TLCD3B: variants seen among roughly 807,000 people sequenced by gnomAD.
TLCD3B encodes the protein ceramide synthase.
A neutral mutation model predicts 23.0 loss-of-function variants in TLCD3B; 9 were observed. That is an observed-to-expected ratio of 0.39 (90% CI 0.24 to 0.68). TLCD3B has a LOEUF of 0.68. Ranked by LOEUF, TLCD3B falls within the 30% of genes least tolerant of loss-of-function variation. The pLI is 0.44. For missense variants in TLCD3B, 307 were observed against 371.8 expected, an observed-to-expected ratio of 0.83 and a Z score of 1.43; for synonymous variants, 161 against 161.0, an observed-to-expected ratio of 1.00 and a Z score of 0.00.
chr16:30,030,285 AC>A, intron 1 of TLCD3B, 117 bp downstream of exon 1: 1 of 1,201,954 alleles, frequency 8.3e-7, no homozygotes, highest in Non-Finnish European at 1.2e-6. Context: ...AAAGCCCCGG[AC>A]CCCCACAGGA....
intron 2 of TLCD3B, among the ~76,000 whole-genome samples, chr16:30,045,663 GGT>G (rs1204714754): frequency 6.9e-6 from 1 of 145,628 alleles, no homozygotes; most frequent in African/African-American, 2.6e-5. Context: ...GTGTGTGTAT[GGT>G]GTGTGTGTTG....
chr16:30,025,309 G>T lies in TLCD3B; in HGVS notation c.699C>A (p.His233Gln). 6.4e-7 allele frequency: 1 copy of T among 1,563,644 alleles called. No individual in the cohort carries two copies. Among genetic ancestry groups the T allele is most frequent in the South Asian group, 1.2e-5 (1 of 86,310 alleles). Residue 233 changes from histidine to glutamine, a missense_variant, in exon 5 of 5, where the codon CAC (histidine) becomes CAA (glutamine). His to Gln is a conservative substitution (Grantham distance 24). Transcript: ENST00000380495. This position sits in a 1 kb window ranked among gnomAD's most constrained non-coding sequence, Gnocchi z 4.1. ...LLAVPLAIPA[H>Q]VNLGAALLLA... ...GGAGCAGCGCAGCGCCCAGGTTGAC[G>T]TGGGCAGGGATGGCCAGGGGCACGG...
intron 3 of TLCD3B, 77 bp downstream of exon 3, chr16:30,026,531 TC>T: frequency 7.5e-7 from 1 of 1,324,842 alleles, no homozygotes; most frequent in Non-Finnish European, 1.1e-6. Context: ...ACCCGGGGCT[TC>T]CCAGGCTCCT....
At chr16:30,041,724 A>C (rs1207970333) in intron 2 of TLCD3B, among the ~76,000 whole-genome samples, 1 of 150,536 alleles carries the variant, frequency 6.6e-6, no homozygotes, top group Non-Finnish European at 1.5e-5. Context: ...TCTGTCTCAA[A>C]AAAAAAAAAA....
chr16:30,047,565 G>A (rs564994171), intron 1 of TLCD3B, among the ~76,000 whole-genome samples: 1 of 151,718 alleles, frequency 6.6e-6, no homozygotes, highest in Non-Finnish European at 1.5e-5. Flanking sequence ...CAAGTGATCC[G>A]CCTGCCTCGG....
At chr16:30,030,072 C>T in intron 1 of TLCD3B, 2 of 1,363,420 alleles carry the variant, frequency 1.5e-6, no homozygotes, top group Non-Finnish European at 1.9e-6. Context: ...TGAATGACAC[C>T]TAGCTGTCTG....
At chr16:30,039,104 T>TC (rs1567307340) in intron 3 of TLCD3B, among the ~76,000 whole-genome samples, 5 of 75,382 alleles carry the variant, frequency 6.6e-5, no homozygotes, top group Middle Eastern at 5.7e-3. Flanking sequence ...CCTTCCTCTC[T>TC]TTTTTTTTTT....
chr16:30,025,654 A>C lies in TLCD3B; in HGVS notation c.540+72T>G, dbSNP rs759731882. The C allele has an allele frequency of 3.3e-6, 5 of 1,536,660 alleles. No individual in the cohort carries two copies. The highest frequency in any genetic ancestry group is 1.4e-5 in the African/African-American group (1 of 73,372). ...TGACGAAGGGGCTAGAGCCCTTGGC[A>C]GCAACCTTGAAGGTCCCTCCCCTTC... On this transcript the variant is annotated intron_variant, in intron 4 of 4. Coordinates refer to ENST00000380495, the MANE Select transcript of TLCD3B (RefSeq NM_031478.6). This position sits in a 1 kb window ranked among gnomAD's most constrained non-coding sequence, Gnocchi z 4.1.
chr16:30,030,609 G>A lies in TLCD3B; in HGVS notation c.-82C>T. 1.4e-6 allele frequency: 2 copies of A among 1,442,638 alleles called. No individual in the cohort carries two copies. The highest frequency in any genetic ancestry group is 1.8e-6 in the Non-Finnish European group (2 of 1,099,952). 89.4% of individuals were successfully genotyped at this position (1,442,638 alleles called of 1,614,324 possible). A position where few individuals can be genotyped will look rare whatever the true frequency, so the allele number is the denominator to read the frequency against. On this transcript the variant is annotated 5_prime_UTR_variant, in exon 1 of 5. Transcript: ENST00000380495. ...AGTGGAAGGAGTTAGGGGTGGAGAA[G>A]GGACGCCAAGCCCGGGAAGGAGGGA...
chr16:30,048,452 G>A (rs1288221136), intron 1 of TLCD3B, among the ~76,000 whole-genome samples: 1 of 151,956 alleles, frequency 6.6e-6, no homozygotes, highest in Non-Finnish European at 1.5e-5. Context: ...CATGTGCCTT[G>A]CATACATTTT....
chr16:30,037,271 G>T (rs888322131), intron 3 of TLCD3B, among the ~76,000 whole-genome samples: 1 of 151,698 alleles, frequency 6.6e-6, no homozygotes, highest in Non-Finnish European at 1.5e-5. Context: ...GGCCGGGCAC[G>T]GTGGCTCCCG....
intron 3 of TLCD3B, among the ~76,000 whole-genome samples, chr16:30,026,078 C>CA (rs979154105): frequency 6.6e-6 from 1 of 151,808 alleles, no homozygotes; most frequent in African/African-American, 2.4e-5. Flanking sequence ...CTAAAAATAC[C>CA]AAAAAAATTA....
At chr16:30,035,908 G>A (rs2071463654), upstream of TLCD3B, among the ~76,000 whole-genome samples, 2 of 151,490 alleles carry the variant, frequency 1.3e-5, no homozygotes, top group South Asian at 2.1e-4. Context: ...GATTACAGGC[G>A]CCCGCCACCA....
intron 1 of TLCD3B, chr16:30,052,658 C>T (rs1193234622): frequency 6.6e-6 from 1 of 151,648 alleles, no homozygotes; most frequent in Non-Finnish European, 1.5e-5. Flanking sequence ...GATCGCGCCA[C>T]TGCACTGCAG....
chr16:30,036,195 T>C (rs1410154486), upstream of TLCD3B: 3 of 1,288,732 alleles, frequency 2.3e-6, no homozygotes, highest in Admixed American at 6.9e-5. Flanking sequence ...GAGGTTGATG[T>C]TTCTCCTCAG....
upstream of TLCD3B, chr16:30,035,592 T>A (rs2071453208): frequency 1.7e-5 from 19 of 1,092,796 alleles, no homozygotes; most frequent in Non-Finnish European, 2.3e-5. Context: ...AAGAGACCCA[T>A]CCATCTGTGG....
intron 1 of TLCD3B, among the ~76,000 whole-genome samples, chr16:30,051,888 T>A (rs923011746): frequency 6.7e-4 from 102 of 152,198 alleles, no homozygotes; most frequent in Non-Finnish European, 2.1e-4. Context: ...GGCAGAGGGA[T>A]CAGCAACTGC....
In TLCD3B at chr16:30,025,715, T is replaced by A. The variant is rs1243914343; in HGVS notation, c.540+11A>T. The A allele has an allele frequency of 1.2e-6, 2 of 1,613,794 alleles. No homozygotes were observed. The highest frequency in any genetic ancestry group is 4.5e-5 in the East Asian group (2 of 44,884). Reference sequence around the variant, plus strand: ...CCCATTGGGCTCCTGCACCCTCCCATGCTCACTCACCTGGATGAGGATCTT... The same window carrying A: ...CCCATTGGGCTCCTGCACCCTCCCAAGCTCACTCACCTGGATGAGGATCTT... On this transcript the variant is annotated intron_variant, in intron 4 of 4. Transcript: ENST00000380495. The surrounding 1 kb of genome is among the most constrained non-coding windows in gnomAD (Gnocchi z 4.1).
intron 1 of TLCD3B, among the ~76,000 whole-genome samples, chr16:30,048,256 T>C (rs989387347): frequency 5.3e-5 from 8 of 151,664 alleles, no homozygotes; most frequent in Admixed American, 1.3e-4. Context: ...CACATGAAAA[T>C]TAGAAAACAT....
Sources: allele counts gnomAD v4.1 joint callset (sites outside exome capture counted in the v4.1 genomes callset), GRCh38; gene constraint gnomAD v4.1.1; non-coding constraint Gnocchi (gnomAD v3.1); transcripts MANE v1.5; gene names NCBI Gene and HGNC (gene_info 2026-07-23, HGNC 2026-07-21).